ADAMTS20: variants seen among roughly 807,000 people sequenced by gnomAD.
ADAMTS20 encodes ADAM metallopeptidase with thrombospondin type 1 motif 20.
ADAMTS20 carries 225 observed loss-of-function variants against 260.1 expected under a neutral mutation model. The observed-to-expected ratio is 0.87, with a 90% CI of 0.78 to 0.97. The LOEUF is 0.97. Ranked by LOEUF, ADAMTS20 falls within the 50% of genes least tolerant of loss-of-function variation. ADAMTS20 has a pLI of 0.00. For synonymous variants in ADAMTS20, 802 were observed against 769.5 expected, an observed-to-expected ratio of 1.04 and a Z score of -0.70; for missense variants, 2,400 against 2,337.7, an observed-to-expected ratio of 1.03 and a Z score of -0.55.
chr12:43,514,631 A>G (rs1005944527), intron 3 of ADAMTS20, among the ~76,000 whole-genome samples: 1 of 149,486 alleles, frequency 6.7e-6, no homozygotes, highest in African/African-American at 2.5e-5. Flanking sequence ...AATTTGCCAG[A>G]AATTCTAAGT....
chr12:43,431,735 G>A (rs1205608731), intron 21 of ADAMTS20, among the ~76,000 whole-genome samples: 1 of 152,102 alleles, frequency 6.6e-6, no homozygotes, highest in Non-Finnish European at 1.5e-5. Flanking sequence ...ACTAACCTTA[G>A]AATAAGTATT....
chr12:43,389,358 G>C (rs536215186), intron 29 of ADAMTS20, among the ~76,000 whole-genome samples: 8 of 152,156 alleles, frequency 5.3e-5, no homozygotes, highest in African/African-American at 9.7e-5. Context: ...TTCCAAAAAA[G>C]AAAAGTAGAA....
intron 9 of ADAMTS20, 48 bp from the exon 10 acceptor site, chr12:43,464,780 T>A: frequency 1.3e-6 from 2 of 1,547,050 alleles, no homozygotes; most frequent in Non-Finnish European, 1.8e-6. Flanking sequence ...CATGGATGCA[T>A]TCCAGTATGA....
intron 38 of ADAMTS20, among the ~76,000 whole-genome samples, chr12:43,354,717 C>T: frequency 7.0e-6 from 1 of 142,178 alleles, no homozygotes; most frequent in Non-Finnish European, 1.5e-5. Flanking sequence ...AGATATTGTA[C>T]AAATGATTTT....
chr12:43,537,863 C>G (rs556382733), intron 2 of ADAMTS20, among the ~76,000 whole-genome samples: 28 of 152,310 alleles, frequency 1.8e-4, no homozygotes, highest in African/African-American at 6.0e-4. Flanking sequence ...TTTTTTATGG[C>G]TGAATAGTAC....
At chr12:43,481,335 T>C (rs2137413191) in intron 7 of ADAMTS20, among the ~76,000 whole-genome samples, 1 of 152,282 alleles carries the variant, frequency 6.6e-6, no homozygotes, top group East Asian at 1.9e-4. Flanking sequence ...ATAAAACATG[T>C]ATCATTTTTT....
intron 7 of ADAMTS20, among the ~76,000 whole-genome samples, chr12:43,477,158 T>G (rs1422380239): frequency 1.3e-5 from 2 of 152,010 alleles, no homozygotes; most frequent in Non-Finnish European, 2.9e-5. Context: ...CTAAATGTCA[T>G]TATAATTTAT....
At position 43,466,735 on chromosome 12, in the gene ADAMTS20, A is replaced by C; in HGVS notation, c.1284T>G (p.His428Gln). 3 of 1,610,902 alleles carry C rather than the reference A, an allele frequency of 1.9e-6. No homozygotes were observed. The highest frequency in any genetic ancestry group is 2.5e-6 in the Non-Finnish European group (3 of 1,177,648). Residue 428 changes from histidine (H) to glutamine (Q), a missense_variant, in exon 9 of 39, where the codon CAT (histidine) becomes CAG (glutamine). Transcript: ENST00000389420. ...RCKEMKVTKY[H>Q]VMAPALSFHM... is the part of the protein sequence containing the mutation. Reference sequence around the variant, plus strand: ...GAAAACTTAAAGCAGGGGCCATTACATGATACTTTGTAACTTTCATTTCTT... The same window carrying C: ...GAAAACTTAAAGCAGGGGCCATTACCTGATACTTTGTAACTTTCATTTCTT...
intron 3 of ADAMTS20, among the ~76,000 whole-genome samples, chr12:43,530,548 A>G (rs1244399740): frequency 6.6e-6 from 1 of 152,172 alleles, no homozygotes; most frequent in Non-Finnish European, 1.5e-5. Flanking sequence ...TCAAAGGCCT[A>G]CATATCATTA....
chr12:43,415,571 C>A (rs191757583), intron 28 of ADAMTS20, among the ~76,000 whole-genome samples: 2 of 152,264 alleles, frequency 1.3e-5, no homozygotes, highest in East Asian at 3.9e-4. Flanking sequence ...CCTATTTCAA[C>A]CACTTTTCCT....
chr12:43,503,398 GATATAA>G (rs1942795837), intron 3 of ADAMTS20, among the ~76,000 whole-genome samples: 1 of 151,856 alleles, frequency 6.6e-6, no homozygotes, highest in Admixed American at 6.6e-5. Context: ...ATAAGAATTA[GATATAA>G]ATATAAAAAC....
At chr12:43,421,193 G>A (rs971077470) in intron 28 of ADAMTS20, among the ~76,000 whole-genome samples, 4 of 144,098 alleles carry the variant, frequency 2.8e-5, no homozygotes, top group Admixed American at 1.5e-4. Flanking sequence ...ATTTTTTTCT[G>A]CACAATGTTT....
At chr12:43,537,176 C>T (rs1412454672) in intron 2 of ADAMTS20, among the ~76,000 whole-genome samples, 1 of 151,910 alleles carries the variant, frequency 6.6e-6, no homozygotes, top group South Asian at 2.1e-4. Context: ...CTCAAGCAAT[C>T]CCCCCACCTC....
At chr12:43,475,674 C>T (rs1942340260) in intron 7 of ADAMTS20, among the ~76,000 whole-genome samples, 1 of 149,918 alleles carries the variant, frequency 6.7e-6, no homozygotes, top group Middle Eastern at 3.5e-3. Context: ...GAACAGAGCC[C>T]TCAGAAATAA....
chr12:43,428,920 A>G (rs1219717788), intron 24 of ADAMTS20, 121 bp from the exon 25 acceptor site: 4 of 847,872 alleles, frequency 4.7e-6, no homozygotes, highest in African/African-American at 1.8e-5. Context: ...TTAAATTATT[A>G]TAGATAATAT....
chr12:43,477,332 C>T (rs900524786), intron 7 of ADAMTS20, among the ~76,000 whole-genome samples: 70 of 152,140 alleles, frequency 4.6e-4, no homozygotes, highest in Non-Finnish European at 8.8e-4. Context: ...AAAGATGGGA[C>T]AACAGGGTAT....
rs191475147 is a variant in ADAMTS20, at chr12:43,367,909, A to G, written c.5538+1381T>C. On this transcript the variant is annotated intron_variant, in intron 37 of 38. Coordinates refer to ENST00000389420, the MANE Select transcript of ADAMTS20 (RefSeq NM_025003.5). ...TGGGCCCCAGATTTGGGTTCTCCTT[A>G]CCAACCACTCTACCTGTCAAAGCCT... Among the ~76,000 whole-genome samples the G allele has an allele frequency of 1.6e-4, 24 of 152,130 alleles. No homozygotes were observed. The East Asian group carries it at 1.7e-3, about 11-fold the overall frequency.
At chr12:43,490,374 T>C in intron 7 of ADAMTS20, 21 bp downstream of exon 7, 1 of 1,175,710 alleles carries the variant, frequency 8.5e-7, no homozygotes, top group Non-Finnish European at 1.2e-6. Context: ...TAAGCTAAAC[T>C]TAATTGACAA....
At chr12:43,413,679 C>A (rs772591929) in intron 28 of ADAMTS20, among the ~76,000 whole-genome samples, 5 of 152,028 alleles carry the variant, frequency 3.3e-5, no homozygotes, top group African/African-American at 7.2e-5. Context: ...TTTTTTCCTG[C>A]AAATTTAATT....
Sources: gnomAD v4.1 joint callset for allele counts (sites outside exome capture counted in the v4.1 genomes callset) on GRCh38, gnomAD v4.1.1 for gene constraint, MANE v1.5 for transcripts, NCBI Gene and HGNC (gene_info 2026-07-23, HGNC 2026-07-21) for gene names.